PARVA: variants seen among roughly 807,000 people sequenced by gnomAD.
PARVA encodes alpha-parvin.
PARVA carries 25 observed loss-of-function variants against 52.6 expected under a neutral mutation model. That is an observed-to-expected ratio of 0.48 (90% CI 0.35 to 0.66). The LOEUF is 0.66. Ranked by LOEUF, PARVA falls within the 30% of genes least tolerant of loss-of-function variation. PARVA has a pLI of 0.01. For synonymous variants in PARVA, 185 were observed against 179.1 expected (o/e 1.03, Z -0.26); for missense variants, 373 against 450.9 (o/e 0.83, Z 1.56).
intron 1 of PARVA, among the ~76,000 whole-genome samples, chr11:12,388,571 A>G (rs1056454389): frequency 2.0e-5 from 3 of 152,208 alleles, no homozygotes; most frequent in Non-Finnish European, 4.4e-5. Context: ...CCCATTATAA[A>G]ATTAGCCCAT....
At chr11:12,446,393 G>A (rs1940547937) in intron 1 of PARVA, among the ~76,000 whole-genome samples, 1 of 152,166 alleles carries the variant, frequency 6.6e-6, no homozygotes, top group Admixed American at 6.5e-5. Context: ...ATACACTCAA[G>A]AAGGCATTAT....
chr11:12,490,251 C>G (rs889980100), intron 4 of PARVA, among the ~76,000 whole-genome samples: 40 of 146,450 alleles, frequency 2.7e-4, no homozygotes, highest in African/African-American at 9.6e-4. Flanking sequence ...AGGCGGGGCT[C>G]AGTGACTCAC....
rs1175769695 is a variant in PARVA at position 12,377,574 on chromosome 11, C to T, written c.-74C>T. On this transcript the variant is annotated 5_prime_UTR_variant, in exon 1 of 13. Coordinates refer to ENST00000334956, the MANE Select transcript of PARVA (RefSeq NM_018222.5). ...CCGTTTGGAAAGCCGCAGCCTCAGT[C>T]CCGCCGCCGCCCGCTGCGTCCGCCC... 2.7e-6 allele frequency: 4 copies of T among 1,496,896 alleles called. No individual in the cohort carries two copies. The African/African-American group carries it at 5.9e-5, about 22-fold the overall frequency. The allele number at this position is 1,496,896 out of a possible 1,614,324, so 92.7% of individuals were successfully genotyped here. A position where few individuals can be genotyped will look rare whatever the true frequency, so the allele number is the denominator to read the frequency against.
At chr11:12,402,690 A>G (rs1939846842) in intron 1 of PARVA, among the ~76,000 whole-genome samples, 2 of 152,224 alleles carry the variant, frequency 1.3e-5, no homozygotes, top group African/African-American at 2.4e-5. Context: ...TAGGCTCTCA[A>G]TAAATGTGAA....
intron 1 of PARVA, among the ~76,000 whole-genome samples, chr11:12,402,809 C>T (rs1939848191): frequency 6.6e-6 from 1 of 152,234 alleles, no homozygotes; most frequent in Non-Finnish European, 1.5e-5. Context: ...TATTTTCCTC[C>T]TGGGTCTGGC....
intron 1 of PARVA, among the ~76,000 whole-genome samples, chr11:12,442,002 G>T (rs1293617299): frequency 6.6e-6 from 1 of 152,262 alleles, no homozygotes; most frequent in African/African-American, 2.4e-5. Context: ...TCGAAGGATT[G>T]TGGGGTTAGA....
intron 1 of PARVA, among the ~76,000 whole-genome samples, chr11:12,423,494 C>T (rs1168776467): frequency 6.6e-6 from 1 of 151,510 alleles, no homozygotes; most frequent in Non-Finnish European, 1.5e-5. Context: ...TATTCGAGTT[C>T]ACCTACCTCA....
intron 6 of PARVA, among the ~76,000 whole-genome samples, chr11:12,506,534 G>A (rs1941433440): frequency 6.6e-6 from 1 of 152,200 alleles, no homozygotes; most frequent in Admixed American, 6.5e-5. Context: ...GCAGGAGAGA[G>A]GGGGCTTCTA....
chr11:12,392,281 T>C (rs1247612653), intron 1 of PARVA, among the ~76,000 whole-genome samples: 1 of 151,220 alleles, frequency 6.6e-6, no homozygotes, highest in East Asian at 1.9e-4. Context: ...TTTTTTTTTT[T>C]TTCCTGAGAC....
chr11:12,396,149 C>T (rs571648578), intron 1 of PARVA, among the ~76,000 whole-genome samples: 24 of 152,264 alleles, frequency 1.6e-4, no homozygotes, highest in Non-Finnish European at 1.8e-4. Flanking sequence ...AGTGAACTGA[C>T]TTGTCTAAGA....
rs1564873004 is a variant in PARVA, at chr11:12,530,450, CT to C, written c.*2529del. On this transcript the variant is annotated 3_prime_UTR_variant, in exon 13 of 13. Transcript: ENST00000334956. Reference sequence around the variant, plus strand: ...TCATAGGCTCACTGGGTTTTCTTTTCTTTTCTGTTAATTTAAACTCAGTTAT... The same window carrying C: ...TCATAGGCTCACTGGGTTTTCTTTTCTTTCTGTTAATTTAAACTCAGTTAT... The C allele has an allele frequency of 6.6e-6, 1 of 152,152 alleles. No homozygotes were observed. The highest frequency in any genetic ancestry group is 1.9e-4 in the East Asian group (1 of 5,200). 9.4% of individuals were successfully genotyped at this position (152,152 alleles called of 1,614,324 possible). A position where few individuals can be genotyped will look rare whatever the true frequency, so the allele number is the denominator to read the frequency against.
At chr11:12,436,357 G>A (rs1237277428) in intron 1 of PARVA, among the ~76,000 whole-genome samples, 3 of 152,070 alleles carry the variant, frequency 2.0e-5, no homozygotes, top group African/African-American at 7.2e-5. Context: ...CTGGTTGCTG[G>A]TCTCAGACTA....
chr11:12,377,282 G>T, upstream of PARVA: 1 of 550,794 alleles, frequency 1.8e-6, no homozygotes, highest in Non-Finnish European at 2.8e-6. Flanking sequence ...TGTGTTTTGC[G>T]CCAGGCTGTG....
intron 3 of PARVA, among the ~76,000 whole-genome samples, chr11:12,476,658 T>C (rs879345980): frequency 5.3e-5 from 8 of 152,150 alleles, no homozygotes; most frequent in Non-Finnish European, 1.2e-4. Flanking sequence ...TTATAATCCT[T>C]TGGTTGACCG....
At chr11:12,451,954 G>A (rs949777402) in intron 1 of PARVA, among the ~76,000 whole-genome samples, 2 of 152,010 alleles carry the variant, frequency 1.3e-5, no homozygotes, top group Non-Finnish European at 2.9e-5. Context: ...ATTACATCTC[G>A]GGATTCCTCC....
At chr11:12,468,081 T>A (rs1041889127) in intron 1 of PARVA, among the ~76,000 whole-genome samples, 3 of 152,354 alleles carry the variant, frequency 2.0e-5, no homozygotes, top group Admixed American at 1.3e-4. Context: ...CCAGTTCAAA[T>A]GTTCCCTTTT....
At chr11:12,387,401 C>T (rs1210199822) in intron 1 of PARVA, among the ~76,000 whole-genome samples, 2 of 152,118 alleles carry the variant, frequency 1.3e-5, no homozygotes, top group Non-Finnish European at 2.9e-5. Flanking sequence ...TAGTACTTAA[C>T]CAGTGCTCCC....
chr11:12,432,706 G>T (rs765342147), intron 1 of PARVA, among the ~76,000 whole-genome samples: 2 of 152,208 alleles, frequency 1.3e-5, no homozygotes, highest in Non-Finnish European at 2.9e-5. Flanking sequence ...CGTTATTTAG[G>T]CTCTTGCGTC....
At chr11:12,391,187 C>T (rs1341021290) in intron 1 of PARVA, among the ~76,000 whole-genome samples, 1 of 152,136 alleles carries the variant, frequency 6.6e-6, no homozygotes, top group African/African-American at 2.4e-5. Context: ...AGATTTCACA[C>T]CTTGTAATGG....
Sources: gnomAD v4.1 joint callset for allele counts (sites outside exome capture counted in the v4.1 genomes callset) on GRCh38, gnomAD v4.1.1 for gene constraint, MANE v1.5 for transcripts, NCBI Gene and HGNC (gene_info 2026-07-23, HGNC 2026-07-21) for gene names.